Variants in RALYL observed in about 807,000 individuals in gnomAD.
The protein encoded by RALYL is RALY RNA binding protein like, also known as RNA-binding Raly-like protein.
In RALYL, 29 loss-of-function variants were observed where a neutral mutation model predicts 35.1. The observed-to-expected ratio is 0.83, with a 90% confidence interval of 0.61 to 1.13. The LOEUF is 1.13. Among genes scored for constraint, RALYL ranks in the 50% most tolerant of loss-of-function variants. RALYL has a pLI of 0.00. For synonymous variants in RALYL, 120 were observed against 127.6 expected (o/e 0.94, Z 0.40); for missense variants, 359 against 360.4 (o/e 1.00, Z 0.03).
chr8:84,428,774 G>A (rs1028457546), intron 1 of RALYL, among the ~76,000 whole-genome samples: 2 of 152,032 alleles, frequency 1.3e-5, no homozygotes, highest in Admixed American at 6.6e-5. Context: ...ACTTTGTATA[G>A]TATAATTACC....
chr8:84,526,958 T>G (rs1382462892), intron 1 of RALYL, among the ~76,000 whole-genome samples: 1 of 152,206 alleles, frequency 6.6e-6, no homozygotes, highest in African/African-American at 2.4e-5. Flanking sequence ...GAGGGTTAAT[T>G]TAGTCACTGT....
intron 7 of RALYL, among the ~76,000 whole-genome samples, chr8:84,875,262 C>A (rs952624366): frequency 1.3e-5 from 2 of 152,058 alleles, no homozygotes; most frequent in Non-Finnish European, 2.9e-5. Context: ...ACTTTGATAA[C>A]CAATTTGCAC....
intron 2 of RALYL, among the ~76,000 whole-genome samples, chr8:84,530,591 T>C (rs1194118546): frequency 6.6e-6 from 1 of 152,188 alleles, no homozygotes; most frequent in Non-Finnish European, 1.5e-5. Flanking sequence ...AAATGTGTGC[T>C]GAAGGCCATC....
At chr8:84,454,096 A>T (rs2049846635) in intron 1 of RALYL, among the ~76,000 whole-genome samples, 1 of 152,034 alleles carries the variant, frequency 6.6e-6, no homozygotes, top group Non-Finnish European at 1.5e-5. Flanking sequence ...CAGTCTGGAC[A>T]CTTCTAAAAA....
chr8:84,250,383 G>C (rs1379970781), intron 1 of RALYL, among the ~76,000 whole-genome samples: 3 of 149,980 alleles, frequency 2.0e-5, no homozygotes, highest in Non-Finnish European at 4.4e-5. Context: ...TATTTTTTTT[G>C]AGACAGAGTT....
chr8:84,860,815 C>T (rs1382960470), intron 5 of RALYL, among the ~76,000 whole-genome samples: 1 of 152,098 alleles, frequency 6.6e-6, no homozygotes, highest in Non-Finnish European at 1.5e-5. Context: ...TTCGAATACC[C>T]TAAGTCTCTA....
rs56387511 is a variant in RALYL, at chr8:84,367,318, A to ATTTTTTTTT, written c.-23-161938_-23-161930dup. Among the ~76,000 whole-genome samples the ATTTTTTTTT allele has an allele frequency of 1.1e-3, 31 of 27,406 alleles. 9 individuals carry two copies. Among genetic ancestry groups the ATTTTTTTTT allele is most frequent in the Non-Finnish European group, 2.3e-3 (23 of 10,134 alleles). 18.0% of individuals were successfully genotyped at this position (27,406 alleles called of 152,430 possible). On this transcript the variant is annotated intron_variant, in intron 1 of 8. Coordinates refer to ENST00000521268, the MANE Select transcript of RALYL (RefSeq NM_173848.7). The stretch of plus-strand genomic sequence containing the variant: ...GCCATCCTGCCCAACTAATTTTTGT[A>ATTTTTTTTT]TTTTTTTTTTTTTTTTTTTTTTTTT...
At chr8:84,191,655 G>A (rs1168889784) in intron 1 of RALYL, among the ~76,000 whole-genome samples, 1 of 152,114 alleles carries the variant, frequency 6.6e-6, no homozygotes, top group Non-Finnish European at 1.5e-5. Flanking sequence ...AGCTTGAAGG[G>A]CCTTCCAGTT....
intron 2 of RALYL, among the ~76,000 whole-genome samples, chr8:84,533,474 A>G (rs2059399729): frequency 6.6e-6 from 1 of 152,240 alleles, no homozygotes; most frequent in Non-Finnish European, 1.5e-5. Flanking sequence ...TGCTATAAAT[A>G]AACATTTGCA....
At chr8:84,544,743 T>C (rs902829549) in intron 2 of RALYL, among the ~76,000 whole-genome samples, 2 of 152,072 alleles carry the variant, frequency 1.3e-5, no homozygotes, top group African/African-American at 4.8e-5. Context: ...ATCATATTAT[T>C]CAACTTCACA....
chr8:84,795,406 T>C (rs906258312), intron 3 of RALYL, among the ~76,000 whole-genome samples: 2 of 152,200 alleles, frequency 1.3e-5, no homozygotes, highest in Non-Finnish European at 2.9e-5. Context: ...TTGTCATTTA[T>C]AAAATAGACA....
At chr8:84,422,391 GA>G (rs1306956070) in intron 1 of RALYL, among the ~76,000 whole-genome samples, 5 of 133,158 alleles carry the variant, frequency 3.8e-5, no homozygotes, top group Admixed American at 3.1e-4. Context: ...GATCGGTGGT[GA>G]TATCCCCTTT....
At chr8:84,600,466 C>T (rs1324007073) in intron 2 of RALYL, among the ~76,000 whole-genome samples, 2 of 152,134 alleles carry the variant, frequency 1.3e-5, no homozygotes, top group Non-Finnish European at 2.9e-5. Context: ...CTGCTGAGCA[C>T]ACATTTTTGC....
At chr8:84,431,839 C>G (rs939447621) in intron 1 of RALYL, among the ~76,000 whole-genome samples, 3 of 152,082 alleles carry the variant, frequency 2.0e-5, no homozygotes, top group African/African-American at 7.2e-5. Flanking sequence ...GTGAATAGTG[C>G]TGCAATAAAC....
chr8:84,585,647 A>C lies in RALYL; in HGVS notation c.256+56070A>C, dbSNP rs191987337. 6.1e-3 allele frequency among the ~76,000 whole-genome samples: 935 copies of C among 152,322 alleles called. 1 individual carries two copies. Among genetic ancestry groups the C allele is most frequent in the Non-Finnish European group, 8.6e-3 (583 of 68,030 alleles). ...ACTTTACTCTTAAACAACATAGGCA[A>C]AATACAACTAAATGTTGTTTGCATT... On this transcript the variant is annotated intron_variant, in intron 2 of 8. Coordinates refer to ENST00000521268, the MANE Select transcript of RALYL (RefSeq NM_173848.7).
chr8:84,849,784 G>A (rs1835446642), intron 4 of RALYL, among the ~76,000 whole-genome samples, 196 bp from the exon 5 acceptor site: 1 of 151,966 alleles, frequency 6.6e-6, no homozygotes, highest in Non-Finnish European at 1.5e-5. Context: ...TCCCTACATT[G>A]TCAAACATGT....
intron 2 of RALYL, among the ~76,000 whole-genome samples, chr8:84,735,925 C>T (rs527574032): frequency 1.3e-5 from 2 of 151,778 alleles, no homozygotes; most frequent in African/African-American, 4.8e-5. Context: ...TGACCATGCT[C>T]CTTGGAGACC....
chr8:84,628,549 A>T (rs1259634149), intron 2 of RALYL, among the ~76,000 whole-genome samples: 1 of 152,150 alleles, frequency 6.6e-6, no homozygotes, highest in Non-Finnish European at 1.5e-5. Context: ...CAAAAGAGTA[A>T]ATGAATATAT....
chr8:84,712,585 G>A (rs1842358708), intron 2 of RALYL, among the ~76,000 whole-genome samples: 1 of 152,082 alleles, frequency 6.6e-6, no homozygotes, highest in Non-Finnish European at 1.5e-5. Flanking sequence ...TGTACTTTCA[G>A]AAAACAACTT....
Sources: allele counts gnomAD v4.1 joint callset (sites outside exome capture counted in the v4.1 genomes callset), GRCh38; gene constraint gnomAD v4.1.1; transcripts MANE v1.5; gene names NCBI Gene and HGNC (gene_info 2026-07-23, HGNC 2026-07-21).